The following RAB43 variants were observed in gnomAD, a reference collection of about 807,000 sequenced individuals.
The protein encoded by RAB43 is ras-related protein Rab-43.
In RAB43, 6 loss-of-function variants were observed where a neutral mutation model predicts 18.8. That is an observed-to-expected ratio of 0.32 (90% CI 0.17 to 0.63). The LOEUF is 0.63. Ranked by LOEUF, RAB43 falls within the 30% of genes least tolerant of loss-of-function variation. The probability of loss-of-function intolerance (pLI) is 0.79; values close to 1 mark genes in which losing one functional copy is unlikely to be tolerated. For missense variants in RAB43, 195 were observed against 289.1 expected (o/e 0.67, Z 2.36); for synonymous variants, 103 against 124.1 (o/e 0.83, Z 1.13).
intron 2 of RAB43, among the ~76,000 whole-genome samples, chr3:129,092,970 G>T (rs1933778995): frequency 6.6e-6 from 1 of 150,498 alleles, no homozygotes; most frequent in African/African-American, 2.4e-5. Context: ...AAAAAAAAAA[G>T]TTCTATAATA....
chr3:129,104,433 C>T (rs534193677), intron 1 of RAB43, among the ~76,000 whole-genome samples: 5 of 152,256 alleles, frequency 3.3e-5, no homozygotes, highest in East Asian at 1.9e-4. Flanking sequence ...AATTGACTTT[C>T]GGGGAAAGGT....
At position 129,121,494 on chromosome 3, in the gene RAB43, TAGA is replaced by T. The variant is rs763202194; in HGVS notation, c.-8_-6del. ...GCCTGGGCCCGGCCCTGCCATGGCC[TAGA>T]AGAAGCCGAAGGGCCGGCGCTCTGG... On this transcript the variant is annotated 5_prime_UTR_variant, in exon 1 of 3. Coordinates refer to ENST00000315150, the MANE Select transcript of RAB43 (RefSeq NM_198490.3). 2.5e-6 allele frequency: 4 copies of T among 1,604,680 alleles called. No individual in the cohort carries two copies. The highest frequency in any genetic ancestry group is 3.4e-6 in the Non-Finnish European group (4 of 1,176,104).
intron 2 of RAB43, among the ~76,000 whole-genome samples, chr3:129,092,955 C>CA (rs745819526): frequency 2.5e-3 from 297 of 116,546 alleles, no homozygotes; most frequent in South Asian, 9.8e-3. Context: ...GACTCTGTCT[C>CA]AAAAAAAAAA....
At chr3:129,093,410 G>A (rs907579997) in intron 2 of RAB43, among the ~76,000 whole-genome samples, 2 of 152,060 alleles carry the variant, frequency 1.3e-5, no homozygotes, top group Non-Finnish European at 2.9e-5. Flanking sequence ...AGGAGATCGA[G>A]ACCATCCTGG....
chr3:129,121,563 G>T lies in RAB43; in HGVS notation c.-74C>A. The T allele has an allele frequency of 7.8e-7, 1 of 1,289,006 alleles. No individual in the cohort carries two copies. The highest frequency in any genetic ancestry group is 1.0e-6 in the Non-Finnish European group (1 of 956,794). The allele number at this position is 1,289,006 out of a possible 1,614,324, so 79.8% of individuals were successfully genotyped here. ...TGAGCTCACGCAAGCCGCGGGCCGA[G>T]CTCCGCCCGCTCCAGCCCACGGGCC... On this transcript the variant is annotated 5_prime_UTR_variant, in exon 1 of 3. Coordinates refer to ENST00000315150, the MANE Select transcript of RAB43 (RefSeq NM_198490.3).
chr3:129,115,638 G>A (rs915229897), intron 1 of RAB43, among the ~76,000 whole-genome samples: 7 of 152,116 alleles, frequency 4.6e-5, no homozygotes, highest in Non-Finnish European at 7.3e-5. Context: ...TGGCCAACAT[G>A]GTGAAACCCC....
rs374989437 is a variant in RAB43 at position 129,114,898 on chromosome 3, T to C, written c.204+6388A>G. ...GCCTTTATTGTCTTCACTTTACTGATAGGACAACAGGTCAATGAAGTGACT... is the reference window on the plus strand; with the variant it reads ...GCCTTTATTGTCTTCACTTTACTGACAGGACAACAGGTCAATGAAGTGACT... On this transcript the variant is annotated intron_variant, in intron 1 of 2. Transcript: ENST00000315150. 6.6e-5 allele frequency among the ~76,000 whole-genome samples: 10 copies of C among 152,120 alleles called. No homozygotes were observed. The East Asian group carries it at 1.2e-3, about 18-fold the overall frequency.
At chr3:129,093,610 C>A (rs534756733) in intron 2 of RAB43, among the ~76,000 whole-genome samples, 2 of 151,576 alleles carry the variant, frequency 1.3e-5, no homozygotes, top group Non-Finnish European at 2.9e-5. Context: ...CTCCGTCCCC[C>A]ACCCCCAGCA....
chr3:129,118,431 G>A (rs1935690346), intron 1 of RAB43, among the ~76,000 whole-genome samples: 1 of 152,184 alleles, frequency 6.6e-6, no homozygotes, highest in African/African-American at 2.4e-5. Context: ...ACTAGATAAA[G>A]GTATTGCTCT....
chr3:129,101,056 A>G (rs1156282879), intron 1 of RAB43, among the ~76,000 whole-genome samples: 1 of 152,088 alleles, frequency 6.6e-6, no homozygotes, highest in South Asian at 2.1e-4. Context: ...TCCACCCGCC[A>G]TGGCCTCCCA....
At chr3:129,109,541 A>G (rs937860536) in intron 1 of RAB43, among the ~76,000 whole-genome samples, 1 of 151,526 alleles carries the variant, frequency 6.6e-6, no homozygotes, top group Non-Finnish European at 1.5e-5. Flanking sequence ...GTTCAAGACC[A>G]GCCTGGCCAA....
intron 1 of RAB43, among the ~76,000 whole-genome samples, chr3:129,102,760 C>G (rs796804524): frequency 2.0e-5 from 3 of 152,246 alleles, no homozygotes; most frequent in African/African-American, 7.2e-5. Flanking sequence ...GAGGCGGAAG[C>G]CAAGCCAGGA....
chr3:129,113,146 G>A (rs997038443), intron 1 of RAB43, among the ~76,000 whole-genome samples: 7 of 150,624 alleles, frequency 4.6e-5, no homozygotes, highest in Admixed American at 1.3e-4. Flanking sequence ...TGAGTTTTAG[G>A]TTATTTTTAT....
At chr3:129,093,468 G>A (rs975924293) in intron 2 of RAB43, among the ~76,000 whole-genome samples, 1 of 152,182 alleles carries the variant, frequency 6.6e-6, no homozygotes, top group South Asian at 2.1e-4. Flanking sequence ...AAGTTAGCCA[G>A]GTGTGGTGGT....
intron 2 of RAB43, among the ~76,000 whole-genome samples, chr3:129,094,505 C>CCT (rs1933891192): frequency 1.4e-5 from 1 of 69,150 alleles, no homozygotes; most frequent in East Asian, 4.5e-4. Context: ...ATATAACTTT[C>CCT]TTTTTTTTTT....
In RAB43 at chr3:129,098,372, TA is replaced by T. The variant is rs771915580; in HGVS notation, c.205-3204del. On this transcript the variant is annotated intron_variant, in intron 1 of 2. Coordinates refer to ENST00000315150, the MANE Select transcript of RAB43 (RefSeq NM_198490.3). Reference sequence around the variant, plus strand: ...CCTAACAAAACATAAAAAACAAGCCTAAACGAATAACTTCAAGGTGATCAGC... The same window carrying T: ...CCTAACAAAACATAAAAAACAAGCCTAACGAATAACTTCAAGGTGATCAGC... Among the ~76,000 whole-genome samples the T allele has an allele frequency of 7.2e-4, 110 of 152,208 alleles. 1 individual carries two copies. The highest frequency in any genetic ancestry group is 1.3e-3 in the Non-Finnish European group (88 of 67,996).
chr3:129,097,126 A>G (rs1934108389), intron 1 of RAB43, among the ~76,000 whole-genome samples: 1 of 152,182 alleles, frequency 6.6e-6, no homozygotes, highest in African/African-American at 2.4e-5. Flanking sequence ...AAAAAAAAGA[A>G]AAGAAAAGAA....
intron 1 of RAB43, 89 bp downstream of exon 1, chr3:129,121,197 C>T: frequency 1.7e-6 from 2 of 1,183,890 alleles, no homozygotes; most frequent in Non-Finnish European, 2.4e-6. Context: ...CAGATGGACG[C>T]GGGGTGCGCT....
rs1194184307 is a variant in RAB43 at position 129,121,731 on chromosome 3, C to G, written c.-242G>C. 3 of 278,586 alleles carry G rather than the reference C, an allele frequency of 1.1e-5. No homozygotes were observed. The East Asian group carries it at 1.9e-4, about 18-fold the overall frequency. 17.3% of individuals were successfully genotyped at this position (278,586 alleles called of 1,614,324 possible). On this transcript the variant is annotated 5_prime_UTR_variant, in exon 1 of 3. Coordinates refer to ENST00000315150, the MANE Select transcript of RAB43 (RefSeq NM_198490.3). ...CGGACCCGGTGCCCCGCGGGTTCGG[C>G]TCCCCCCCGGACCCGCCAAGCCGGG... is the stretch of plus-strand genomic sequence containing the variant.
Sources: gnomAD v4.1 joint callset for allele counts (sites outside exome capture counted in the v4.1 genomes callset) on GRCh38, gnomAD v4.1.1 for gene constraint, MANE v1.5 for transcripts, NCBI Gene and HGNC (gene_info 2026-07-23, HGNC 2026-07-21) for gene names.